Variants in PLEKHA6 observed in about 807,000 individuals in gnomAD.
PLEKHA6 encodes pleckstrin homology domain-containing family A member 6.
PLEKHA6 carries 60 observed loss-of-function variants against 116.7 expected under a neutral mutation model. That is an observed-to-expected ratio of 0.51 (90% CI 0.42 to 0.64). The LOEUF (loss-of-function observed/expected upper bound fraction) is 0.64, where lower values mean the gene tolerates loss of function less well. Ranked by LOEUF, PLEKHA6 falls within the 30% of genes least tolerant of loss-of-function variation. The pLI, the probability that PLEKHA6 is intolerant of heterozygous loss-of-function variation, is 0.00. For synonymous variants in PLEKHA6, 489 were observed against 556.1 expected, an observed-to-expected ratio of 0.88 and a Z score of 1.70; for missense variants, 1,338 against 1,422.7, an observed-to-expected ratio of 0.94 and a Z score of 0.96.
intron 1 of PLEKHA6, among the ~76,000 whole-genome samples, chr1:204,321,283 G>T (rs970005064): frequency 6.6e-6 from 1 of 152,114 alleles, no homozygotes; most frequent in African/African-American, 2.4e-5. Flanking sequence ...GAATCCTGAG[G>T]ATCTGCACAT....
At chr1:204,348,714 A>ACCCCCCCCCCCCCCCCC (rs3038282) in intron 1 of PLEKHA6, among the ~76,000 whole-genome samples, 9 of 136,638 alleles carry the variant, frequency 6.6e-5, no homozygotes, top group South Asian at 2.3e-4. Context: ...CAGGTGCCAA[A>ACCCCCCCCCCCCCCCCC]CCCCCCCCCC....
At position 204,259,317 on chromosome 1, in the gene PLEKHA6, G is replaced by T. The variant is rs1444518351; in HGVS notation, c.948C>A (p.Asn316Lys). 1.2e-6 allele frequency: 2 copies of T among 1,614,238 alleles called. No homozygotes were observed. The highest frequency in any genetic ancestry group is 3.3e-5 in the Admixed American group (2 of 60,038). The change falls in exon 8 of 23, where the codon AAC (asparagine) becomes AAA (lysine). Residue 316 changes from asparagine (N) to lysine (K), a missense_variant. Transcript: ENST00000272203. The surrounding 1 kb of genome is among the most constrained non-coding windows in gnomAD (Gnocchi z 4.6). ...DKIAQRKSSM[N>K]QLQQWVNLRR... ...GCAGATTCACCCACTGCTGAAGCTGGTTCATGGAGCTCTTGCGCTGGGCAA... is the reference window on the plus strand; with the variant it reads ...GCAGATTCACCCACTGCTGAAGCTGTTTCATGGAGCTCTTGCGCTGGGCAA...
rs1668163934 is a variant in PLEKHA6 at position 204,277,688 on chromosome 1, G to T, written c.-94-2879C>A. On this transcript the variant is annotated intron_variant, in intron 1 of 22. Coordinates refer to ENST00000272203, the MANE Select transcript of PLEKHA6 (RefSeq NM_014935.5). This position sits in a 1 kb window ranked among gnomAD's most constrained non-coding sequence, Gnocchi z 4.1. ...ATTGCTGCCGCTGCTGAGAAGCTGA[G>T]ATTGATTGAGCAGTTCTCCCTTCTC... 6.6e-6 allele frequency: 1 copy of T among 152,224 alleles called. No individual in the cohort carries two copies. The highest frequency in any genetic ancestry group is 2.1e-4 in the South Asian group (1 of 4,826). 9.4% of individuals were successfully genotyped at this position (152,224 alleles called of 1,614,324 possible). A position where few individuals can be genotyped will look rare whatever the true frequency, so the allele number is the denominator to read the frequency against.
intron 15 of PLEKHA6, among the ~76,000 whole-genome samples, chr1:204,243,581 C>T (rs956127405): frequency 6.6e-6 from 1 of 152,200 alleles, no homozygotes; most frequent in Non-Finnish European, 1.5e-5. Flanking sequence ...CTTCCACCCA[C>T]TCTCCTGCCT....
chr1:204,317,815 A>G (rs929874179), intron 1 of PLEKHA6, among the ~76,000 whole-genome samples: 5 of 152,084 alleles, frequency 3.3e-5, no homozygotes, highest in African/African-American at 9.7e-5. Context: ...TTTTGTTAAA[A>G]CACACACACA....
chr1:204,254,046 A>G (rs569123281), intron 9 of PLEKHA6, among the ~76,000 whole-genome samples: 1 of 152,316 alleles, frequency 6.6e-6, no homozygotes, highest in African/African-American at 2.4e-5. Context: ...TAGAAAGCCA[A>G]TCACATGGGT....
chr1:204,302,798 C>T (rs1572137503), intron 1 of PLEKHA6, among the ~76,000 whole-genome samples: 1 of 152,124 alleles, frequency 6.6e-6, no homozygotes, highest in East Asian at 1.9e-4. Context: ...ATTGCTTGAA[C>T]CCAGGAGGTG....
chr1:204,315,960 A>G (rs1671841479), intron 1 of PLEKHA6, among the ~76,000 whole-genome samples: 1 of 152,092 alleles, frequency 6.6e-6, no homozygotes, highest in Non-Finnish European at 1.5e-5. Flanking sequence ...AATTCTATAA[A>G]CATTTACTGT....
At chr1:204,264,009 G>A (rs1375963895) in intron 6 of PLEKHA6, among the ~76,000 whole-genome samples, 1 of 152,090 alleles carries the variant, frequency 6.6e-6, no homozygotes, top group Non-Finnish European at 1.5e-5. Context: ...AGGACAGGAA[G>A]GGACAGAGTC....
intron 1 of PLEKHA6, among the ~76,000 whole-genome samples, chr1:204,331,938 C>T (rs1276361527): frequency 6.6e-6 from 1 of 152,050 alleles, no homozygotes; most frequent in East Asian, 1.9e-4. Context: ...CAGAGGGAGC[C>T]TCCCCTTACC....
At chr1:204,321,085 A>G (rs1672046073) in intron 1 of PLEKHA6, among the ~76,000 whole-genome samples, 1 of 152,128 alleles carries the variant, frequency 6.6e-6, no homozygotes, top group Non-Finnish European at 1.5e-5. Flanking sequence ...GGGTCAGAAT[A>G]TGGAATAGTG....
rs539153962 is a variant in PLEKHA6 at position 204,370,736 on chromosome 1, G to A, written c.160+794C>T. On this transcript the variant is annotated intron_variant, in intron 2 of 4. Coordinates refer to the PLEKHA6 transcript ENST00000564627. ...CAGGCGCTCCCACTAGCTACATGGGGCCATTTACATTTGAATTAATTAGGA... is the reference window on the plus strand; with the variant it reads ...CAGGCGCTCCCACTAGCTACATGGGACCATTTACATTTGAATTAATTAGGA... Among the ~76,000 whole-genome samples, 39 of 152,204 alleles carry A rather than the reference G, an allele frequency of 2.6e-4. 1 individual carries two copies. Among genetic ancestry groups the A allele is most frequent in the African/African-American group, 9.4e-4 (39 of 41,538 alleles).
At chr1:204,358,962 A>C (rs566030297) in intron 1 of PLEKHA6, among the ~76,000 whole-genome samples, 85 of 117,732 alleles carry the variant, frequency 7.2e-4, no homozygotes, top group African/African-American at 2.9e-3. Context: ...AGCCCTCCTT[A>C]CCCTTCTCTG....
intron 6 of PLEKHA6, 96 bp downstream of exon 6, chr1:204,264,846 T>C (rs1666577839): frequency 2.2e-6 from 2 of 928,236 alleles, no homozygotes; most frequent in African/African-American, 3.2e-5. Flanking sequence ...CTGGGATTCC[T>C]TAGAGCGATG....
chr1:204,237,091 C>T (rs1161057026), intron 17 of PLEKHA6, among the ~76,000 whole-genome samples: 1 of 152,160 alleles, frequency 6.6e-6, no homozygotes, highest in East Asian at 1.9e-4. Context: ...TTCCAGGGGA[C>T]CCAAAACGTT....
In PLEKHA6 at chr1:204,257,323, T is replaced by C; in HGVS notation, c.1524+30A>G. 6.4e-7 allele frequency: 1 copy of C among 1,550,478 alleles called. No individual in the cohort carries two copies. Among genetic ancestry groups the C allele is most frequent in the African/African-American group, 1.4e-5 (1 of 73,310 alleles). ...TTAGGCTTCTGGGGACCTCAGGGGA[T>C]GAGGAAGGAAGGGCAGGCTGGTGGC... On this transcript the variant is annotated intron_variant, in intron 9 of 22. Coordinates refer to ENST00000272203, the MANE Select transcript of PLEKHA6 (RefSeq NM_014935.5). The surrounding 1 kb of genome is among the most constrained non-coding windows in gnomAD (Gnocchi z 6.5).
chr1:204,267,314 G>A (rs892744247), intron 5 of PLEKHA6, among the ~76,000 whole-genome samples, 161 bp downstream of exon 5: 5 of 152,150 alleles, frequency 3.3e-5, no homozygotes, highest in African/African-American at 4.8e-5. Flanking sequence ...GTGAACAAGT[G>A]AGCTTTGTTT....
intron 14 of PLEKHA6, 77 bp downstream of exon 14, chr1:204,245,538 G>GT: frequency 4.8e-6 from 4 of 832,760 alleles, no homozygotes; most frequent in Non-Finnish European, 8.1e-6. Flanking sequence ...GCTGGCAGGA[G>GT]TGGGATGGAG....
At chr1:204,372,316 A>G (rs1338234619) in intron 1 of PLEKHA6, among the ~76,000 whole-genome samples, 2 of 152,212 alleles carry the variant, frequency 1.3e-5, no homozygotes, top group African/African-American at 2.4e-5. Flanking sequence ...CAGGCTCCCC[A>G]GCAACACAGA....
Sources: gnomAD v4.1 joint callset for allele counts (sites outside exome capture counted in the v4.1 genomes callset) on GRCh38, gnomAD v4.1.1 for gene constraint, Gnocchi (gnomAD v3.1) non-coding constraint, MANE v1.5 for transcripts, NCBI Gene and HGNC (gene_info 2026-07-23, HGNC 2026-07-21) for gene names.